DYNLT5: variants seen among roughly 807,000 people sequenced by gnomAD.
DYNLT5 encodes dynein light chain Tctex-type 5.
In DYNLT5, 25 loss-of-function variants were observed where a neutral mutation model predicts 19.3. The ratio of observed to expected loss-of-function variants is 1.30; its 90% confidence interval spans 0.95 to 1.81. DYNLT5 has a LOEUF of 1.81. Ranked by LOEUF, DYNLT5 falls within the 40% of genes most tolerant of loss-of-function variation. The pLI is 0.00. For synonymous variants in DYNLT5, 82 were observed against 68.9 expected (o/e 1.19, Z -0.94); for missense variants, 232 against 217.9 (o/e 1.06, Z -0.41).
chr1:66,752,689 C>A, intron 1 of DYNLT5, 105 bp downstream of exon 1: 1 of 696,762 alleles, frequency 1.4e-6, no homozygotes, highest in Non-Finnish European at 1.8e-6. Flanking sequence ...CCGATCTCTC[C>A]GCCACCTTAT....
At chr1:66,763,575 T>C (rs1380438539) in intron 2 of DYNLT5, among the ~76,000 whole-genome samples, 1 of 152,250 alleles carries the variant, frequency 6.6e-6, no homozygotes, top group East Asian at 1.9e-4. Flanking sequence ...ATCTTCTGGG[T>C]AACTTGCTGC....
chr1:66,758,075 T>C (rs1302239636), intron 2 of DYNLT5, among the ~76,000 whole-genome samples: 1 of 152,056 alleles, frequency 6.6e-6, no homozygotes, highest in Non-Finnish European at 1.5e-5. Flanking sequence ...AGCAGAAGCT[T>C]AGAGAGATTG....
intron 2 of DYNLT5, 123 bp downstream of exon 2, chr1:66,754,900 A>G: frequency 3.9e-6 from 4 of 1,029,926 alleles, no homozygotes; most frequent in Non-Finnish European, 5.2e-6. Flanking sequence ...TACAAGGTGC[A>G]GGTCATCTTT....
At chr1:66,764,980 G>A (rs2094652088) in intron 2 of DYNLT5, among the ~76,000 whole-genome samples, 1 of 152,072 alleles carries the variant, frequency 6.6e-6, no homozygotes, top group Non-Finnish European at 1.5e-5. Context: ...GAGTTTCTAT[G>A]CATATTTAAT....
rs2150855318 is a variant in DYNLT5, at chr1:66,752,536, T to C, written c.-52T>C. The C allele has an allele frequency of 6.1e-6, 6 of 985,592 alleles. No individual in the cohort carries two copies. The highest frequency in any genetic ancestry group is 2.4e-6 in the Non-Finnish European group (2 of 830,052). 61.1% of individuals were successfully genotyped at this position (985,592 alleles called of 1,614,324 possible). ...CGGGAGCCGCGCCGCGCGCAGTGTC[T>C]GCAGTGCCGGAGGTCTGGGAGGCTC... On this transcript the variant is annotated 5_prime_UTR_variant, in exon 1 of 5. Coordinates refer to ENST00000282670, the MANE Select transcript of DYNLT5 (RefSeq NM_152665.3).
intron 1 of DYNLT5, among the ~76,000 whole-genome samples, chr1:66,753,290 T>C (rs532458134): frequency 6.6e-6 from 1 of 152,244 alleles, no homozygotes; most frequent in Non-Finnish European, 1.5e-5. Context: ...GATTCTCTTC[T>C]ATTTTTATGC....
intron 2 of DYNLT5, among the ~76,000 whole-genome samples, chr1:66,758,661 A>ACC (rs2094640647): frequency 2.6e-5 from 4 of 152,310 alleles, no homozygotes; most frequent in African/African-American, 9.6e-5. Flanking sequence ...AGGCATATAA[A>ACC]GGTGAATAAC....
chr1:66,753,948 C>T (rs944693032), intron 1 of DYNLT5, among the ~76,000 whole-genome samples: 1 of 145,536 alleles, frequency 6.9e-6, no homozygotes, highest in Non-Finnish European at 1.5e-5. Flanking sequence ...TAGATCCTGT[C>T]TCTAAAATAA....
Position 66,777,323 on chromosome 1 carries a change from C to G in DYNLT5, c.409C>G (p.Leu137Val). ...KLIVIVHIGQ[L>V]NRQSILIGSR... ...AATTGTGATTGTTCACATTGGACAACTGAACAGGCAGAGCATACTTATTGG... is the reference window on the plus strand; with the variant it reads ...AATTGTGATTGTTCACATTGGACAAGTGAACAGGCAGAGCATACTTATTGG... Residue 137 changes from leucine (L) to valine (V), a missense_variant, in exon 5 of 5, where the codon CTG becomes GTG. Physicochemically the swap from Leu to Val is conservative, Grantham distance 32. Coordinates refer to ENST00000282670, the MANE Select transcript of DYNLT5 (RefSeq NM_152665.3). The G allele has an allele frequency of 6.2e-7, 1 of 1,613,926 alleles. No homozygotes were observed.
chr1:66,771,751 A>G (rs1168002254), intron 3 of DYNLT5, among the ~76,000 whole-genome samples: 3 of 152,146 alleles, frequency 2.0e-5, no homozygotes, highest in Non-Finnish European at 4.4e-5. Flanking sequence ...GGTGTCTATG[A>G]CTTTGAACTG....
intron 3 of DYNLT5, among the ~76,000 whole-genome samples, chr1:66,774,857 C>T (rs561546392): frequency 1.1e-3 from 172 of 152,272 alleles, no homozygotes; most frequent in African/African-American, 3.4e-3. Context: ...AGAACTTCCT[C>T]CTGGAATTAT....
At chr1:66,772,974 G>C (rs562605079) in intron 3 of DYNLT5, among the ~76,000 whole-genome samples, 1 of 152,048 alleles carries the variant, frequency 6.6e-6, no homozygotes, top group African/African-American at 2.4e-5. Context: ...AGGGATAATA[G>C]TCTATACATC....
intron 2 of DYNLT5, among the ~76,000 whole-genome samples, chr1:66,759,672 A>G (rs2094642510): frequency 6.6e-6 from 1 of 152,238 alleles, no homozygotes; most frequent in East Asian, 1.9e-4. Flanking sequence ...AATTAAAACA[A>G]AATACCATTT....
At chr1:66,762,207 G>A (rs541938570) in intron 2 of DYNLT5, among the ~76,000 whole-genome samples, 3 of 151,824 alleles carry the variant, frequency 2.0e-5, no homozygotes, top group South Asian at 2.1e-4. Context: ...ATATTCATGG[G>A]GTACATAGTG....
rs1236293681 is a variant in DYNLT5, at chr1:66,776,554, T to TGGG, written c.336+152_336+153insGGG. 5 of 809,984 alleles carry TGGG rather than the reference T, an allele frequency of 6.2e-6. No homozygotes were observed. The African/African-American group carries it at 9.4e-5, about 15-fold the overall frequency. The allele number at this position is 809,984 out of a possible 1,614,324, so 50.2% of individuals were successfully genotyped here. A position where few individuals can be genotyped will look rare whatever the true frequency, so the allele number is the denominator to read the frequency against. On this transcript the variant is annotated intron_variant, in intron 4 of 4. Coordinates refer to ENST00000282670, the MANE Select transcript of DYNLT5 (RefSeq NM_152665.3). ...AGGTCATATTCTACATATATGTGTGTGTGTGGGTGTGTGTGTGTGTGTGTA... is the reference window on the plus strand; with the variant it reads ...AGGTCATATTCTACATATATGTGTGTGGGGTGTGGGTGTGTGTGTGTGTGTGTA...
intron 3 of DYNLT5, among the ~76,000 whole-genome samples, chr1:66,772,049 T>A: frequency 6.6e-6 from 1 of 152,238 alleles, no homozygotes; most frequent in Middle Eastern, 3.2e-3. Context: ...CCAGCCATTT[T>A]ATTAATACTT....
intron 3 of DYNLT5, among the ~76,000 whole-genome samples, chr1:66,771,387 C>T (rs954075151): frequency 6.6e-6 from 1 of 152,204 alleles, no homozygotes; most frequent in South Asian, 2.1e-4. Flanking sequence ...CCAACATCAC[C>T]ACTTTTGATC....
At chr1:66,775,996 T>C (rs1645232123) in intron 3 of DYNLT5, among the ~76,000 whole-genome samples, 1 of 152,148 alleles carries the variant, frequency 6.6e-6, no homozygotes. Flanking sequence ...TTGAAGTATG[T>C]CCACAACAAT....
chr1:66,754,806 A>G (rs757201470), intron 2 of DYNLT5, 29 bp downstream of exon 2: 1 of 1,594,614 alleles, frequency 6.3e-7, no homozygotes, highest in East Asian at 2.2e-5. Flanking sequence ...TTGTAAATTC[A>G]TTTATTGAAT....
Sources: gnomAD v4.1 joint callset for allele counts (sites outside exome capture counted in the v4.1 genomes callset) on GRCh38, gnomAD v4.1.1 for gene constraint, MANE v1.5 for transcripts, NCBI Gene and HGNC (gene_info 2026-07-23, HGNC 2026-07-21) for gene names.